Variants in GRM3 observed in about 807,000 individuals in gnomAD.
GRM3 encodes glutamate metabotropic receptor 3, also known as metabotropic glutamate receptor 3.
GRM3 carries 26 observed loss-of-function variants against 70.5 expected under a neutral mutation model. The observed-to-expected ratio is 0.37, with a 90% CI of 0.27 to 0.51. The LOEUF (loss-of-function observed/expected upper bound fraction) is 0.51, where lower values mean the gene tolerates loss of function less well. GRM3 is among the 20% of genes least tolerant of loss of function. The probability of loss-of-function intolerance (pLI) is 0.93; values close to 1 mark genes in which losing one functional copy is unlikely to be tolerated. For missense variants in GRM3, 859 were observed against 1,123.8 expected (o/e 0.76, Z 3.37); for synonymous variants, 443 against 434.9 (o/e 1.02, Z -0.23).
intron 5 of GRM3, among the ~76,000 whole-genome samples, chr7:86,854,512 T>C (rs568875634): frequency 6.6e-5 from 10 of 150,648 alleles, no homozygotes; most frequent in Non-Finnish European, 1.3e-4. Flanking sequence ...TAATTAATTA[T>C]ATACAGTAGA....
chr7:86,750,098 A>C (rs532224963), intron 1 of GRM3, among the ~76,000 whole-genome samples: 7 of 152,114 alleles, frequency 4.6e-5, no homozygotes, highest in Non-Finnish European at 8.8e-5. Context: ...TGAAAAAGAA[A>C]GCTGAGGTTT....
intron 3 of GRM3, among the ~76,000 whole-genome samples, chr7:86,805,544 G>T (rs1455088885): frequency 6.6e-6 from 1 of 152,056 alleles, no homozygotes; most frequent in African/African-American, 2.4e-5. Context: ...TAGTACCAGA[G>T]AATAGTTTCA....
intron 1 of GRM3, among the ~76,000 whole-genome samples, chr7:86,700,249 G>C (rs1794918780): frequency 6.6e-6 from 1 of 151,922 alleles, no homozygotes. Context: ...GATCTAAACA[G>C]GAAGCCAATT....
intron 1 of GRM3, among the ~76,000 whole-genome samples, chr7:86,682,182 C>A (rs946788742): frequency 3.3e-5 from 5 of 152,170 alleles, no homozygotes; most frequent in Non-Finnish European, 7.4e-5. Context: ...ACAAGTTTTT[C>A]ACAGTACAAC....
chr7:86,786,773 C>G lies in GRM3; in HGVS notation c.981C>G (p.Ser327=), dbSNP rs761667187. Residue 327 remains serine (S), a synonymous_variant, in exon 3 of 6, where the codon TCC becomes TCG. Coordinates refer to ENST00000361669, the MANE Select transcript of GRM3 (RefSeq NM_000840.3). The surrounding 1 kb of genome is among the most constrained non-coding windows in gnomAD (Gnocchi z 6.0). ...GCGCCATCACCCTGGAGCTGGCCTCCCAGCCTGTCCGCCAGTTCGACCGCT... is the reference window on the plus strand; with the variant it reads ...GCGCCATCACCCTGGAGCTGGCCTCGCAGCCTGTCCGCCAGTTCGACCGCT... The part of the protein sequence containing the change: ...AYGAITLELA[S]QPVRQFDRYF... 3.3e-5 allele frequency: 54 copies of G among 1,613,958 alleles called. No individual in the cohort carries two copies. The East Asian group carries it at 1.2e-3, about 35-fold the overall frequency.
intron 1 of GRM3, among the ~76,000 whole-genome samples, chr7:86,651,672 A>C (rs534086077): frequency 6.6e-6 from 1 of 152,200 alleles, no homozygotes; most frequent in African/African-American, 2.4e-5. Context: ...TGACCAGTCC[A>C]TACTATATTG....
At chr7:86,646,821 A>C (rs933376592) in intron 1 of GRM3, among the ~76,000 whole-genome samples, 2 of 152,160 alleles carry the variant, frequency 1.3e-5, no homozygotes, top group African/African-American at 4.8e-5. Flanking sequence ...GGAAAGCCAC[A>C]CACACAAAAA....
intron 1 of GRM3, among the ~76,000 whole-genome samples, chr7:86,666,475 G>C (rs11984224): frequency 0.037 from 5,617 of 152,082 alleles, 344 homozygotes; most frequent in African/African-American, 0.13. Context: ...TCAACTAAAA[G>C]CTAAGTGATG....
chr7:86,821,842 T>C (rs1798127122), intron 3 of GRM3, among the ~76,000 whole-genome samples: 1 of 152,094 alleles, frequency 6.6e-6, no homozygotes, highest in African/African-American at 2.4e-5. Context: ...TACAAGAAAA[T>C]CAAATTTAAA....
intron 5 of GRM3, among the ~76,000 whole-genome samples, chr7:86,863,771 ATTTTG>A (rs1799004738): frequency 1.3e-5 from 2 of 152,128 alleles, no homozygotes; most frequent in Non-Finnish European, 2.9e-5. Flanking sequence ...TGAGCTTTTG[ATTTTG>A]CACATTGTAT....
chr7:86,661,116 T>C (rs1469083960), intron 1 of GRM3, among the ~76,000 whole-genome samples: 1 of 151,994 alleles, frequency 6.6e-6, no homozygotes, highest in Admixed American at 6.6e-5. Context: ...CAATAAAGTC[T>C]ATAGGAGAAT....
intron 1 of GRM3, among the ~76,000 whole-genome samples, chr7:86,677,562 T>C (rs1272783663): frequency 6.6e-6 from 1 of 152,044 alleles, no homozygotes; most frequent in Non-Finnish European, 1.5e-5. Flanking sequence ...AAGTAACATT[T>C]ACCTGAAAAC....
At chr7:86,735,473 GT>G (rs1795837244) in intron 1 of GRM3, among the ~76,000 whole-genome samples, 1 of 152,108 alleles carries the variant, frequency 6.6e-6, no homozygotes, top group Non-Finnish European at 1.5e-5. Flanking sequence ...TATCTCCATT[GT>G]TAAATATTTG....
At chr7:86,784,291 A>G (rs727988) in intron 2 of GRM3, 2 of 151,698 alleles carry the variant, frequency 1.3e-5, no homozygotes, top group Admixed American at 6.6e-5. Context: ...GGATTGTTTC[A>G]CTGTGATTCT....
At chr7:86,654,622 A>G (rs55906351) in intron 1 of GRM3, among the ~76,000 whole-genome samples, 2,967 of 152,294 alleles carry the variant, frequency 0.019, 102 homozygotes, top group African/African-American at 0.066. Flanking sequence ...GGAACTGCCC[A>G]TGACATTTTT....
chr7:86,708,049 C>G (rs1177903518), intron 1 of GRM3, among the ~76,000 whole-genome samples: 1 of 152,066 alleles, frequency 6.6e-6, no homozygotes, highest in South Asian at 2.1e-4. Context: ...TAATCGACTC[C>G]GGTACTAACA....
intron 3 of GRM3, among the ~76,000 whole-genome samples, chr7:86,835,262 A>G (rs1296657141): frequency 6.6e-6 from 1 of 152,142 alleles, no homozygotes; most frequent in Non-Finnish European, 1.5e-5. Context: ...AAGGTGTACG[A>G]TATTTTATTA....
At chr7:86,859,895 C>T (rs1350835265) in intron 5 of GRM3, among the ~76,000 whole-genome samples, 2 of 152,188 alleles carry the variant, frequency 1.3e-5, no homozygotes, top group African/African-American at 2.4e-5. Context: ...CTTGGTTACA[C>T]TGATCTTCAA....
At chr7:86,812,764 CT>C (rs1299914121) in intron 3 of GRM3, among the ~76,000 whole-genome samples, 16 of 151,758 alleles carry the variant, frequency 1.1e-4, no homozygotes, top group Non-Finnish European at 2.2e-4. Context: ...CATTTTACCA[CT>C]TTATGTTTTT....
Sources: allele counts gnomAD v4.1 joint callset (sites outside exome capture counted in the v4.1 genomes callset), GRCh38; gene constraint gnomAD v4.1.1; non-coding constraint Gnocchi (gnomAD v3.1); transcripts MANE v1.5; gene names NCBI Gene and HGNC (gene_info 2026-07-23, HGNC 2026-07-21).